TMEM132D: variants seen among roughly 807,000 people sequenced by gnomAD.
The protein encoded by TMEM132D is transmembrane protein 132D, also known as mature OL transmembrane protein.
In TMEM132D, 21 loss-of-function variants were observed where a neutral mutation model predicts 62.3. The observed-to-expected ratio is 0.34, with a 90% CI of 0.24 to 0.49. The LOEUF (loss-of-function observed/expected upper bound fraction) is 0.49. Ranked by LOEUF, TMEM132D falls within the 20% of genes least tolerant of loss-of-function variation. The pLI is 0.99. For synonymous variants in TMEM132D, 621 were observed against 575.6 expected, an observed-to-expected ratio of 1.08 and a Z score of -1.13; for missense variants, 1,346 against 1,402.8, an observed-to-expected ratio of 0.96 and a Z score of 0.65.
At chr12:129,272,648 A>G (rs565809172) in intron 4 of TMEM132D, among the ~76,000 whole-genome samples, 2 of 151,464 alleles carry the variant, frequency 1.3e-5, no homozygotes, top group African/African-American at 2.4e-5. Flanking sequence ...TTGCTTGTTG[A>G]TTTGTTTAAA....
chr12:129,751,479 C>G (rs1392330608), intron 1 of TMEM132D, among the ~76,000 whole-genome samples: 1 of 152,140 alleles, frequency 6.6e-6, no homozygotes, highest in Non-Finnish European at 1.5e-5. Flanking sequence ...CACAGCCAAA[C>G]CATCAGTCCC....
At chr12:129,571,353 CAGT>C (rs1877507816) in intron 2 of TMEM132D, among the ~76,000 whole-genome samples, 1 of 152,108 alleles carries the variant, frequency 6.6e-6, no homozygotes, top group South Asian at 2.1e-4. Flanking sequence ...ATCATGAGGT[CAGT>C]AGTTCAAGAC....
intron 5 of TMEM132D, among the ~76,000 whole-genome samples, chr12:129,197,627 A>G (rs1878584273): frequency 6.6e-6 from 1 of 152,202 alleles, no homozygotes; most frequent in Non-Finnish European, 1.5e-5. Flanking sequence ...ATCACACACC[A>G]CATCCAAAAA....
intron 4 of TMEM132D, among the ~76,000 whole-genome samples, chr12:129,270,183 C>A (rs1275326853): frequency 6.6e-6 from 1 of 151,368 alleles, no homozygotes; most frequent in East Asian, 2.0e-4. Context: ...TCTCATTTTT[C>A]TTCTAGCAAT....
At chr12:129,648,905 A>AACT (rs1177979800) in intron 2 of TMEM132D, among the ~76,000 whole-genome samples, 2 of 152,308 alleles carry the variant, frequency 1.3e-5, no homozygotes, top group East Asian at 1.9e-4. Flanking sequence ...AAAATGAAGG[A>AACT]ACTGTAGAAT....
chr12:129,407,833 C>T (rs535321311), intron 3 of TMEM132D, among the ~76,000 whole-genome samples: 7 of 148,442 alleles, frequency 4.7e-5, no homozygotes, highest in Non-Finnish European at 1.0e-4. Flanking sequence ...ACCCGGGAGG[C>T]GAGCCGGGAT....
intron 5 of TMEM132D, among the ~76,000 whole-genome samples, chr12:129,152,427 C>G (rs1176596218): frequency 6.6e-6 from 1 of 152,204 alleles, no homozygotes; most frequent in Non-Finnish European, 1.5e-5. Flanking sequence ...GGCTTGTTAT[C>G]TCACTACTGC....
At chr12:129,224,821 T>C (rs904310640) in intron 4 of TMEM132D, among the ~76,000 whole-genome samples, 1 of 152,182 alleles carries the variant, frequency 6.6e-6, no homozygotes, top group Non-Finnish European at 1.5e-5. Flanking sequence ...TGAGACTCCC[T>C]TGAACCTGGG....
At chr12:129,893,364 TATG>T (rs1874990995) in intron 1 of TMEM132D, among the ~76,000 whole-genome samples, 2 of 152,306 alleles carry the variant, frequency 1.3e-5, no homozygotes, top group South Asian at 4.1e-4. Flanking sequence ...AAATCAGGAT[TATG>T]ATTTCTTTTG....
intron 3 of TMEM132D, among the ~76,000 whole-genome samples, chr12:129,461,649 C>T: frequency 7.2e-6 from 1 of 137,950 alleles, no homozygotes; most frequent in Admixed American, 8.5e-5. Flanking sequence ...GCTAAGAGAC[C>T]AAGGAAAGAG....
chr12:129,329,767 G>T (rs1869046687), intron 4 of TMEM132D, among the ~76,000 whole-genome samples: 1 of 152,086 alleles, frequency 6.6e-6, no homozygotes, highest in African/African-American at 2.4e-5. Flanking sequence ...GATATCAGGA[G>T]GACAGGGGTT....
At chr12:129,576,426 A>G (rs1877659836) in intron 2 of TMEM132D, among the ~76,000 whole-genome samples, 1 of 151,888 alleles carries the variant, frequency 6.6e-6, no homozygotes, top group Non-Finnish European at 1.5e-5. Flanking sequence ...ATATATTTGT[A>G]TATGTGTGTC....
chr12:129,832,570 T>G (rs1872875805), intron 1 of TMEM132D, among the ~76,000 whole-genome samples: 1 of 152,168 alleles, frequency 6.6e-6, no homozygotes, highest in South Asian at 2.1e-4. Context: ...TCAAACAAGA[T>G]GATGCATATC....
At chr12:129,124,412 C>T (rs771404886) in intron 5 of TMEM132D, among the ~76,000 whole-genome samples, 6 of 152,182 alleles carry the variant, frequency 3.9e-5, no homozygotes, top group Admixed American at 6.5e-5. Context: ...AGCCCAGTAT[C>T]GTCTATGAGA....
At chr12:129,889,918 C>G (rs144829536) in intron 1 of TMEM132D, among the ~76,000 whole-genome samples, 4 of 152,072 alleles carry the variant, frequency 2.6e-5, no homozygotes, top group African/African-American at 7.2e-5. Context: ...ATATCATGAA[C>G]GGGAATGCGA....
chr12:129,146,750 G>T (rs529508966), intron 5 of TMEM132D, among the ~76,000 whole-genome samples: 1 of 152,220 alleles, frequency 6.6e-6, no homozygotes, highest in East Asian at 1.9e-4. Flanking sequence ...GCCTATGTTT[G>T]ACCTTTTCTG....
intron 4 of TMEM132D, among the ~76,000 whole-genome samples, chr12:129,247,233 G>A (rs766085948): frequency 1.6e-4 from 25 of 152,276 alleles, no homozygotes; most frequent in Admixed American, 4.6e-4. Context: ...GGGGTTAGTC[G>A]TTGGGGTTGG....
chr12:129,774,612 C>T (rs1870860268), intron 1 of TMEM132D, among the ~76,000 whole-genome samples: 1 of 152,290 alleles, frequency 6.6e-6, no homozygotes, highest in Middle Eastern at 3.4e-3. Flanking sequence ...AAGACTGCCA[C>T]AGTTACACAG....
intron 4 of TMEM132D, chr12:129,262,541 G>A (rs1467682386): frequency 3.3e-5 from 5 of 152,242 alleles, no homozygotes; most frequent in Admixed American, 1.3e-4. Flanking sequence ...TGTTGTCAAG[G>A]AAAAGGTGGG....
Sources: allele counts gnomAD v4.1 joint callset (sites outside exome capture counted in the v4.1 genomes callset), GRCh38; gene constraint gnomAD v4.1.1; transcripts MANE v1.5; gene names NCBI Gene and HGNC (gene_info 2026-07-23, HGNC 2026-07-21).